CDADC1: variants seen among roughly 807,000 people sequenced by gnomAD.
The protein encoded by CDADC1 is cytidine and dCMP deaminase domain containing 1.
A neutral mutation model predicts 54.9 loss-of-function variants in CDADC1; 39 were observed. The observed-to-expected ratio is 0.71, with a 90% CI of 0.55 to 0.93. The LOEUF is 0.93. Ranked by LOEUF, CDADC1 falls within the 40% of genes least tolerant of loss-of-function variation. The pLI, the probability that CDADC1 is intolerant of heterozygous loss-of-function variation, is 0.00. For missense variants in CDADC1, 518 were observed against 618.8 expected, an observed-to-expected ratio of 0.84 and a Z score of 1.73; for synonymous variants, 186 against 204.0, an observed-to-expected ratio of 0.91 and a Z score of 0.75.
intron 2 of CDADC1, among the ~76,000 whole-genome samples, chr13:49,250,618 A>G (rs962294656): frequency 3.9e-5 from 6 of 152,232 alleles, no homozygotes. Flanking sequence ...TAGAGGGAAG[A>G]GACTGGAAAG....
chr13:49,283,817 A>G (rs1416138381), intron 8 of CDADC1, among the ~76,000 whole-genome samples: 2 of 152,220 alleles, frequency 1.3e-5, no homozygotes, highest in African/African-American at 4.8e-5. Context: ...CCTCCAGTGA[A>G]GATGAGCTGT....
At chr13:49,284,032 A>C (rs1444263762) in intron 8 of CDADC1, among the ~76,000 whole-genome samples, 1 of 152,234 alleles carries the variant, frequency 6.6e-6, no homozygotes, top group Non-Finnish European at 1.5e-5. Flanking sequence ...ATTACTTTGA[A>C]AGATTTTTTG....
intron 6 of CDADC1, among the ~76,000 whole-genome samples, chr13:49,276,450 G>A (rs1953136204): frequency 6.6e-6 from 1 of 152,164 alleles, no homozygotes; most frequent in Admixed American, 6.5e-5. Flanking sequence ...TGAAAGGTGA[G>A]CCTACATTTT....
At chr13:49,287,287 T>TAAAA (rs1167115730) in intron 9 of CDADC1, among the ~76,000 whole-genome samples, 1 of 152,238 alleles carries the variant, frequency 6.6e-6, no homozygotes, top group African/African-American at 2.4e-5. Context: ...AACAATTTTT[T>TAAAA]AACCTTGAAA....
chr13:49,272,328 A>T (rs1290131558), intron 5 of CDADC1, among the ~76,000 whole-genome samples: 1 of 152,048 alleles, frequency 6.6e-6, no homozygotes, highest in Non-Finnish European at 1.5e-5. Flanking sequence ...ATGAGCATAA[A>T]GCCATTGATT....
chr13:49,277,446 A>G (rs1332820303), intron 6 of CDADC1, among the ~76,000 whole-genome samples: 5 of 152,152 alleles, frequency 3.3e-5, no homozygotes, highest in Admixed American at 6.5e-5. Context: ...AAATAAATAA[A>G]TAAATAAATA....
At position 49,291,939 on chromosome 13, in the gene CDADC1, G is replaced by A. The variant is rs951475874; in HGVS notation, c.*182G>A. The A allele has an allele frequency of 7.3e-7, 1 of 1,372,990 alleles. No homozygotes were observed. Among genetic ancestry groups the A allele is most frequent in the Non-Finnish European group, 9.4e-7 (1 of 1,062,742 alleles). 85.1% of individuals were successfully genotyped at this position (1,372,990 alleles called of 1,614,324 possible). ...AAGAATATTTGTCTTTTAGATTTAT[G>A]TGTGGGTTTTCCATAATGTAGTAGT... On this transcript the variant is annotated 3_prime_UTR_variant, in exon 10 of 10. Coordinates refer to ENST00000251108, the MANE Select transcript of CDADC1 (RefSeq NM_030911.4).
rs1953209592 is a variant in CDADC1, at chr13:49,278,458, GAC to G, written c.1161_1162del (p.Asp387GlufsTer20). On this transcript the variant is annotated frameshift_variant, in exon 7 of 10. Coordinates refer to ENST00000251108, the MANE Select transcript of CDADC1 (RefSeq NM_030911.4). LOFTEE classifies it high-confidence loss of function. The part of the protein sequence containing the change: ...DFPHMDDKQK[D>X]REIRKFRYII... Reference sequence around the variant, plus strand: ...CCCACACATGGATGACAAGCAGAAAGACAGAGAAATAAGGAAATTCAGATACA... The same window carrying G: ...CCCACACATGGATGACAAGCAGAAAGAGAGAAATAAGGAAATTCAGATACA... The G allele has an allele frequency of 6.2e-7, 1 of 1,603,072 alleles. No individual in the cohort carries two copies. Among genetic ancestry groups the G allele is most frequent in the Non-Finnish European group, 8.5e-7 (1 of 1,171,902 alleles).
intron 9 of CDADC1, among the ~76,000 whole-genome samples, chr13:49,291,481 C>T (rs947442351): frequency 6.6e-6 from 1 of 152,070 alleles, no homozygotes; most frequent in Non-Finnish European, 1.5e-5. Flanking sequence ...CAATGTGAAT[C>T]CAGTTTTTAA....
intron 3 of CDADC1, among the ~76,000 whole-genome samples, chr13:49,257,159 A>G (rs1952565336): frequency 6.6e-6 from 1 of 152,178 alleles, no homozygotes; most frequent in African/African-American, 2.4e-5. Context: ...CAAACTTGGT[A>G]TTTTGGCCTT....
chr13:49,254,007 A>G (rs939249979), intron 2 of CDADC1, among the ~76,000 whole-genome samples: 1 of 152,214 alleles, frequency 6.6e-6, no homozygotes, highest in Non-Finnish European at 1.5e-5. Flanking sequence ...TGAATTATTT[A>G]ATCTCTCTCA....
At chr13:49,257,460 A>G (rs1394894597) in intron 3 of CDADC1, among the ~76,000 whole-genome samples, 2 of 152,172 alleles carry the variant, frequency 1.3e-5, no homozygotes, top group Admixed American at 1.3e-4. Context: ...ATGAGGCAGC[A>G]TTACTTCTTT....
In CDADC1 at chr13:49,251,210, C is replaced by T. The variant is rs931984805; in HGVS notation, c.177+2245C>T. Among the ~76,000 whole-genome samples, 3 of 152,060 alleles carry T rather than the reference C, an allele frequency of 2.0e-5. No homozygotes were observed. The South Asian group carries it at 6.2e-4, about 32-fold the overall frequency. On this transcript the variant is annotated intron_variant, in intron 2 of 9. Transcript: ENST00000251108. The stretch of plus-strand genomic sequence containing the variant: ...AGATCACAAGGTCAAGAGATCGAGA[C>T]CATCTTGGCCAACATGGTGAAACCC...
At chr13:49,291,586 C>T (rs1953706868) in intron 9 of CDADC1, 98 bp from the exon 10 acceptor site, 6 of 1,056,238 alleles carry the variant, frequency 5.7e-6, no homozygotes, top group Non-Finnish European at 6.7e-6. Flanking sequence ...GTTCCTTTAA[C>T]TTAAGCATTG....
In CDADC1 at chr13:49,256,728, A is replaced by AT. The variant is rs1211640602; in HGVS notation, c.252+816dup. On this transcript the variant is annotated intron_variant, in intron 3 of 9. Transcript: ENST00000251108. ...ATTGGATGCAGAGTGGAGACTAAGC[A>AT]TGTATGTTTTGAAGAGTTACCTTGA... 2.0e-5 allele frequency among the ~76,000 whole-genome samples: 3 copies of AT among 152,354 alleles called. No homozygotes were observed. The East Asian group carries it at 5.8e-4, about 29-fold the overall frequency.
intron 6 of CDADC1, among the ~76,000 whole-genome samples, chr13:49,274,665 C>G (rs529994275): frequency 6.6e-6 from 1 of 150,940 alleles, no homozygotes; most frequent in African/African-American, 2.4e-5. Context: ...AGCGAGACTC[C>G]GTCTCAAAAA....
At chr13:49,255,017 A>T (rs1319342446) in intron 2 of CDADC1, among the ~76,000 whole-genome samples, 1 of 152,250 alleles carries the variant, frequency 6.6e-6, no homozygotes, top group Non-Finnish European at 1.5e-5. Flanking sequence ...CAAATTTATT[A>T]TACAGTTCTG....
chr13:49,255,747 C>G, intron 2 of CDADC1, 92 bp from the exon 3 acceptor site: 1 of 1,513,542 alleles, frequency 6.6e-7, no homozygotes, highest in Non-Finnish European at 8.9e-7. Context: ...ATGGTCAAAG[C>G]CAAGGAAGCC....
At chr13:49,277,086 T>C (rs1393697423) in intron 6 of CDADC1, among the ~76,000 whole-genome samples, 2 of 152,208 alleles carry the variant, frequency 1.3e-5, no homozygotes, top group Non-Finnish European at 2.9e-5. Flanking sequence ...TTAATCACTC[T>C]TGTCCTCAGT....
Sources: gnomAD v4.1 joint callset for allele counts (sites outside exome capture counted in the v4.1 genomes callset) on GRCh38, gnomAD v4.1.1 for gene constraint, MANE v1.5 for transcripts, NCBI Gene and HGNC (gene_info 2026-07-23, HGNC 2026-07-21) for gene names.